ZNF738: variants seen among roughly 807,000 people sequenced by gnomAD.
ZNF738 encodes protein ZNF738.
ZNF738 carries 10 observed loss-of-function variants against 9.2 expected under a neutral mutation model. The ratio of observed to expected loss-of-function variants is 1.09; its 90% CI spans 0.67 to 1.85. ZNF738 has a LOEUF of 1.85. ZNF738 is among the 40% of genes most tolerant of loss of function. The pLI is 0.00. For synonymous variants in ZNF738, 113 were observed against 94.5 expected (o/e 1.20, Z -1.14); for missense variants, 346 against 283.6 (o/e 1.22, Z -1.58).
chr19:21,370,153 G>GT (rs1568368030), intron 2 of ZNF738, among the ~76,000 whole-genome samples: 1 of 152,072 alleles, frequency 6.6e-6, no homozygotes, highest in Admixed American at 6.5e-5. Context: ...TGACTTTGTG[G>GT]TTTTTATCTT....
intron 4 of ZNF738, among the ~76,000 whole-genome samples, chr19:21,379,518 C>A (rs536243671): frequency 6.6e-6 from 1 of 152,220 alleles, no homozygotes; most frequent in East Asian, 1.9e-4. Context: ...TTCTGTGGTC[C>A]TGCAGTCTCT....
rs1296534595 is a variant in ZNF738 at position 21,387,545 on chromosome 19, C to T, written c.*3871C>T. On this transcript the variant is annotated 3_prime_UTR_variant, in exon 5 of 5. Transcript: ENST00000683779. ...TGGAAAGAAATCCTACAAGTGAGAGCAATGTGGCAAAACTTAACCACCTTA... is the reference window on the plus strand; with the variant it reads ...TGGAAAGAAATCCTACAAGTGAGAGTAATGTGGCAAAACTTAACCACCTTA... 2.0e-5 allele frequency among the ~76,000 whole-genome samples: 3 copies of T among 152,154 alleles called. No homozygotes were observed. The highest frequency in any genetic ancestry group is 2.9e-5 in the Non-Finnish European group (2 of 68,018).
Position 21,375,871 on chromosome 19 carries a change from A to G in ZNF738, c.226A>G (p.Ile76Val). The G allele has an allele frequency of 1.3e-6, 1 of 786,528 alleles. No individual in the cohort carries two copies. The highest frequency in any genetic ancestry group is 1.4e-5 in the South Asian group (1 of 73,698). 48.7% of individuals were successfully genotyped at this position (786,528 alleles called of 1,614,324 possible). A position where few individuals can be genotyped will look rare whatever the true frequency, so the allele number is the denominator to read the frequency against. The change falls in exon 4 of 5, where the codon ATT becomes GTT. Residue 76 changes from isoleucine (I) to valine (V), a missense_variant and splice_region_variant. Ile to Val is a conservative substitution (Grantham distance 29). Coordinates refer to ENST00000683779, the MANE Select transcript of ZNF738 (RefSeq NM_001355237.2). Reference sequence around the variant, plus strand: ...GTTATTTATTTTTAATAAATCAGGTATTGATGTCTCTAAGCCAGATCTGAT... The same window carrying G: ...GTTATTTATTTTTAATAAATCAGGTGTTGATGTCTCTAAGCCAGATCTGAT... ...ENFRNLVFLG[I>V]DVSKPDLITC...
At position 21,383,350 on chromosome 19, in the gene ZNF738, T is replaced by C. The variant is rs1974029068; in HGVS notation, c.804T>C (p.Gly268=). 7 of 1,194,418 alleles carry C rather than the reference T, an allele frequency of 5.9e-6. No individual in the cohort carries two copies. The highest frequency in any genetic ancestry group is 8.5e-6 in the Non-Finnish European group (7 of 821,734). 74.0% of individuals were successfully genotyped at this position (1,194,418 alleles called of 1,614,324 possible). A position where few individuals can be genotyped will look rare whatever the true frequency, so the allele number is the denominator to read the frequency against. The stretch of plus-strand genomic sequence containing the variant: ...ACAAACATGAAGAATGTGGAAAAGG[T>C]TTTAACCACTCCACAACTCTTACTA... ...KSYKHEECGK[G]FNHSTTLTRH... The change falls in exon 5 of 5, where the codon GGT becomes GGC. Residue 268 remains glycine, a synonymous_variant. Coordinates refer to ENST00000683779, the MANE Select transcript of ZNF738 (RefSeq NM_001355237.2).
Position 21,385,970 on chromosome 19 carries a change from A to T in ZNF738, c.*2296A>T, listed in dbSNP as rs1300818500. ...TCACAAAGCTTTTAACCACTTCTCAACCCTGATGACACATAAGGTAATTCG... is the reference window on the plus strand; with the variant it reads ...TCACAAAGCTTTTAACCACTTCTCATCCCTGATGACACATAAGGTAATTCG... On this transcript the variant is annotated 3_prime_UTR_variant, in exon 5 of 5. Coordinates refer to ENST00000683779, the MANE Select transcript of ZNF738 (RefSeq NM_001355237.2). 6.6e-6 allele frequency among the ~76,000 whole-genome samples: 1 copy of T among 152,170 alleles called. No homozygotes were observed. The highest frequency in any genetic ancestry group is 1.5e-5 in the Non-Finnish European group (1 of 68,024).
chr19:21,363,965 G>A (rs1465904661), intron 2 of ZNF738, among the ~76,000 whole-genome samples: 1 of 151,590 alleles, frequency 6.6e-6, no homozygotes, highest in Non-Finnish European at 1.5e-5. Context: ...GTGAGGCTGA[G>A]GCGGGCATAC....
At chr19:21,367,886 AG>A (rs1393716504) in intron 2 of ZNF738, among the ~76,000 whole-genome samples, 2 of 152,216 alleles carry the variant, frequency 1.3e-5, no homozygotes, top group African/African-American at 4.8e-5. Flanking sequence ...AAGACGCAAA[AG>A]TGTCTACAAC....
Position 21,383,247 on chromosome 19 carries a change from G to A in ZNF738, c.701G>A (p.Cys234Tyr). 1 of 1,589,806 alleles carries A rather than the reference G, an allele frequency of 6.3e-7. No homozygotes were observed. The highest frequency in any genetic ancestry group is 8.6e-7 in the Non-Finnish European group (1 of 1,161,290). The change falls in exon 5 of 5, where the codon TGT becomes TAT. Residue 234 changes from cysteine to tyrosine, a missense_variant. Transcript: ENST00000683779. ...CATATTAGAGAGAATTCTTACCAAT[G>A]TGAAGAATGTGGCAAAGCCTTTAAA... ...IIHIRENSYQCEECGKAFKWF... is the reference protein window; with the variant it reads ...IIHIRENSYQYEECGKAFKWF...
chr19:21,364,349 G>A (rs1973746672), intron 2 of ZNF738, among the ~76,000 whole-genome samples: 1 of 151,924 alleles, frequency 6.6e-6, no homozygotes, highest in African/African-American at 2.4e-5. Flanking sequence ...GCAAACGGGG[G>A]GTTAAAAAAT....
At chr19:21,359,226 C>A (rs1175911936) in intron 1 of ZNF738, 83 bp downstream of exon 1, 1 of 906,010 alleles carries the variant, frequency 1.1e-6, no homozygotes, top group Non-Finnish European at 1.9e-6. Context: ...AGACTCAGGC[C>A]TCCCCGCAGT....
rs1052890546 is a variant in ZNF738, at chr19:21,383,040, A to T, written c.494A>T (p.Lys165Ile). Residue 165 changes from lysine to isoleucine, a missense_variant, in exon 5 of 5, where the codon AAA becomes ATA. Coordinates refer to ENST00000683779, the MANE Select transcript of ZNF738 (RefSeq NM_001355237.2). ...CAAAAAGAAGGTTATAATGAACTAA[A>T]AGAGTATTTGACAACTACCCAGAGC... Reference protein sequence around the residue: ...NVQKEGYNELKEYLTTTQSKI... With the variant: ...NVQKEGYNELIEYLTTTQSKI... The T allele has an allele frequency of 5.5e-6, 5 of 902,028 alleles. No individual in the cohort carries two copies. The highest frequency in any genetic ancestry group is 7.4e-6 in the Non-Finnish European group (4 of 542,704). 55.9% of individuals were successfully genotyped at this position (902,028 alleles called of 1,614,324 possible).
chr19:21,383,751 G>T lies in ZNF738; in HGVS notation c.*77G>T. ...CATACTGAAGAGAAACCCTACAAAT[G>T]TGAGGAATGTGGCAAAGCTTTTAAA... On this transcript the variant is annotated 3_prime_UTR_variant, in exon 5 of 5. Transcript: ENST00000683779. 8.9e-7 allele frequency: 1 copy of T among 1,117,366 alleles called. No homozygotes were observed. Among genetic ancestry groups the T allele is most frequent in the Non-Finnish European group, 1.4e-6 (1 of 737,396 alleles). 69.2% of individuals were successfully genotyped at this position (1,117,366 alleles called of 1,614,324 possible).
intron 2 of ZNF738, among the ~76,000 whole-genome samples, chr19:21,365,914 G>A (rs371759224): frequency 2.6e-4 from 39 of 150,208 alleles, no homozygotes; most frequent in African/African-American, 9.3e-4. Flanking sequence ...CCAAGATCGC[G>A]CCACTGCACT....
chr19:21,385,484 ATAAG>A lies in ZNF738; in HGVS notation c.*1811_*1814del. On this transcript the variant is annotated 3_prime_UTR_variant, in exon 5 of 5. Coordinates refer to ENST00000683779, the MANE Select transcript of ZNF738 (RefSeq NM_001355237.2). Reference sequence around the variant, plus strand: ...AAAAATAAATAAATAAATAAAAAAAATAAGAGAGTTCATACTAGAGAGAAACCCT... The same window carrying A: ...AAAAATAAATAAATAAATAAAAAAAAAGAGTTCATACTAGAGAGAAACCCT... Among the ~76,000 whole-genome samples, 1 of 150,678 alleles carries A rather than the reference ATAAG, an allele frequency of 6.6e-6. No individual in the cohort carries two copies. Among genetic ancestry groups the A allele is most frequent in the Non-Finnish European group, 1.5e-5 (1 of 67,658 alleles).
intron 2 of ZNF738, among the ~76,000 whole-genome samples, chr19:21,373,614 G>C (rs1183285808): frequency 6.6e-6 from 1 of 152,190 alleles, no homozygotes; most frequent in Non-Finnish European, 1.5e-5. Context: ...AAATGGGTGT[G>C]CTTTTTCTGC....
chr19:21,381,101 T>C (rs1973997244), intron 4 of ZNF738: 1 of 689,126 alleles, frequency 1.5e-6, no homozygotes, highest in Non-Finnish European at 2.5e-6. Context: ...GATGCATCAC[T>C]TTATTTTCCT....
intron 1 of ZNF738, among the ~76,000 whole-genome samples, chr19:21,359,763 G>C (rs1174783772): frequency 6.6e-6 from 1 of 151,958 alleles, no homozygotes; most frequent in Admixed American, 6.5e-5. Flanking sequence ...TGTAGTCCCA[G>C]CTACTCAGGA....
intron 2 of ZNF738, among the ~76,000 whole-genome samples, chr19:21,369,427 A>G (rs1973827953): frequency 6.6e-6 from 1 of 152,092 alleles, no homozygotes; most frequent in Non-Finnish European, 1.5e-5. Context: ...TATTTTTTCA[A>G]TCTAGTCTAC....
intron 4 of ZNF738, chr19:21,381,510 T>C (rs1974003879): frequency 1.1e-6 from 1 of 929,762 alleles, no homozygotes; most frequent in Admixed American, 2.1e-5. Flanking sequence ...TCTTTTTTTT[T>C]CGAGATGGAG....
Sources: gnomAD v4.1 joint callset for allele counts (sites outside exome capture counted in the v4.1 genomes callset) on GRCh38, gnomAD v4.1.1 for gene constraint, MANE v1.5 for transcripts, NCBI Gene and HGNC (gene_info 2026-07-23, HGNC 2026-07-21) for gene names.